Variants in WDPCP observed in about 807,000 individuals in gnomAD.
WDPCP encodes the protein WD repeat containing planar cell polarity effector.
In WDPCP, 71 loss-of-function variants were observed where a neutral mutation model predicts 93.1. The observed-to-expected ratio is 0.76, with a 90% confidence interval of 0.63 to 0.93. WDPCP has a LOEUF of 0.93. Among genes scored for constraint, WDPCP ranks in the 40% least tolerant of loss-of-function variants. The pLI, the probability that WDPCP is intolerant of heterozygous loss-of-function variation, is 0.00. For synonymous variants in WDPCP, 315 were observed against 315.0 expected, an observed-to-expected ratio of 1.00 and a Z score of 0.00; for missense variants, 844 against 887.4, an observed-to-expected ratio of 0.95 and a Z score of 0.62.
intron 1 of WDPCP, chr2:63,564,397 T>C (rs554396473): frequency 6.6e-6 from 1 of 152,300 alleles, no homozygotes; most frequent in Admixed American, 6.5e-5. Flanking sequence ...ACTGCCTCAA[T>C]TTCAGCCACA....
chr2:63,835,161 C>T, the WDPCP span, among the ~76,000 whole-genome samples: 3 of 151,258 alleles, frequency 2.0e-5, no homozygotes, highest in Admixed American at 6.6e-5. Context: ...CCGAGGTGGG[C>T]GGATCACTTG....
Position 63,671,697 on chromosome 2 carries a change from G to A in WDPCP, n.309-20859C>T, listed in dbSNP as rs551580903. On this transcript the variant is annotated intron_variant and non_coding_transcript_variant, in intron 2 of 4. Coordinates refer to the WDPCP transcript ENST00000467687. The stretch of plus-strand genomic sequence containing the variant: ...CTAGTAGCTGGGATTACAGGTGCAC[G>A]CCACCACACCCCGCCAATCTTTGCA... 1.3e-4 allele frequency among the ~76,000 whole-genome samples: 20 copies of A among 152,088 alleles called. No homozygotes were observed. In the East Asian group the frequency reaches 2.7e-3, roughly 21 times the overall value.
intron 13 of WDPCP, among the ~76,000 whole-genome samples, chr2:63,311,209 A>G (rs1686164770): frequency 6.6e-6 from 1 of 152,226 alleles, no homozygotes; most frequent in Non-Finnish European, 1.5e-5. Context: ...TTAGTCTTTT[A>G]GCAAGAGATA....
chr2:63,224,277 A>T (rs1469202884), intron 14 of WDPCP, among the ~76,000 whole-genome samples: 2 of 152,052 alleles, frequency 1.3e-5, no homozygotes, highest in Admixed American at 6.6e-5. Flanking sequence ...AAGGATTCTT[A>T]TTCATCAATG....
chr2:63,321,219 A>T (rs918820987), intron 12 of WDPCP, among the ~76,000 whole-genome samples: 1 of 152,126 alleles, frequency 6.6e-6, no homozygotes, highest in African/African-American at 2.4e-5. Context: ...AGATAAACAA[A>T]TGGAAAGTTA....
chr2:63,337,671 A>G (rs755783364), intron 12 of WDPCP, among the ~76,000 whole-genome samples: 2 of 152,118 alleles, frequency 1.3e-5, no homozygotes, highest in South Asian at 2.1e-4. Flanking sequence ...AGCATCTGTT[A>G]TTGTCTTTTG....
Position 63,588,204 on chromosome 2 carries a change from G to C in WDPCP, c.68C>G (p.Pro23Arg). The C allele has an allele frequency of 1.0e-5, 16 of 1,568,786 alleles. No individual in the cohort carries two copies. Among genetic ancestry groups the C allele is most frequent in the Non-Finnish European group, 1.4e-5 (16 of 1,154,614 alleles). ...CCTCGGGCCAGGGCTCACCTGTCTC[G>C]GGAGTGGGGAAGAAGCGCGACTCCC... ...AAGSRASSPL[P>R]RQDRDSFCHQ... The change falls in exon 1 of 18, where the codon CCG becomes CGG. Residue 23 changes from proline to arginine, a missense_variant. Pro to Arg is a moderately radical substitution (Grantham distance 103). Coordinates refer to ENST00000272321, the MANE Select transcript of WDPCP (RefSeq NM_015910.7).
At position 63,484,971 on chromosome 2, in the gene WDPCP, C is replaced by T; in HGVS notation, c.270G>A (p.Trp90Ter). Residue 90 changes from tryptophan (W) to a stop codon, truncating the protein, a stop_gained, in exon 5 of 18, where the codon TGG (tryptophan) becomes TGA (stop). Transcript: ENST00000272321. LOFTEE classifies it high-confidence loss of function. ...TTTCTGGGCGTCTGTTTTTGAGCGT[C>T]CAAGGATAATCTCGTGCTGGCAAAT... ...QKLAESRDYP[W>*]TLKNRRPEKL... 1.9e-6 allele frequency: 3 copies of T among 1,612,416 alleles called. No homozygotes were observed. Among genetic ancestry groups the T allele is most frequent in the Non-Finnish European group, 2.5e-6 (3 of 1,178,978 alleles).
intron 1 of WDPCP, among the ~76,000 whole-genome samples, chr2:63,820,653 C>T (rs938353746): frequency 7.2e-5 from 11 of 152,066 alleles, no homozygotes; most frequent in Admixed American, 6.6e-5. Flanking sequence ...TTTGCAATGC[C>T]TCATTAAATA....
At chr2:63,763,681 G>A (rs1670095374) in intron 2 of WDPCP, among the ~76,000 whole-genome samples, 1 of 152,124 alleles carries the variant, frequency 6.6e-6, no homozygotes, top group African/African-American at 2.4e-5. Context: ...GTTTTGATTA[G>A]TGAAATTATG....
At position 63,802,577 on chromosome 2, in the gene WDPCP, T is replaced by C. The variant is rs543677073; in HGVS notation, n.308+11045A>G. Among the ~76,000 whole-genome samples, 286 of 152,304 alleles carry C rather than the reference T, an allele frequency of 1.9e-3. 1 individual carries two copies. The highest frequency in any genetic ancestry group is 3.5e-3 in the South Asian group (17 of 4,826). The stretch of plus-strand genomic sequence containing the variant: ...AAAGTAAAAAAATTGTGAAGAATTT[T>C]GGACTGAATTTCTTAAAGGAACATT... On this transcript the variant is annotated intron_variant and non_coding_transcript_variant, in intron 2 of 4. Transcript: ENST00000467687.
intron 10 of WDPCP, among the ~76,000 whole-genome samples, chr2:63,387,698 T>C (rs532365833): frequency 1.3e-5 from 2 of 148,978 alleles, no homozygotes; most frequent in South Asian, 2.1e-4. Context: ...TCTCTGTTTG[T>C]AGAAAATATG....
At chr2:63,778,780 C>A (rs1451448427) in intron 2 of WDPCP, among the ~76,000 whole-genome samples, 2 of 152,168 alleles carry the variant, frequency 1.3e-5, no homozygotes, top group African/African-American at 4.8e-5. Flanking sequence ...CCTTTAGTCT[C>A]ACTGTTGGTT....
intron 1 of WDPCP, among the ~76,000 whole-genome samples, chr2:63,583,843 T>C (rs1708660835): frequency 6.6e-6 from 1 of 152,124 alleles, no homozygotes; most frequent in Admixed American, 6.5e-5. Flanking sequence ...GAGTGGTCAG[T>C]GCCTGTAGTC....
intron 14 of WDPCP, among the ~76,000 whole-genome samples, chr2:63,230,218 G>A (rs1270235235): frequency 6.6e-6 from 1 of 151,778 alleles, no homozygotes; most frequent in Non-Finnish European, 1.5e-5. Flanking sequence ...AGTTTGCTCA[G>A]AATGATGGTT....
intron 14 of WDPCP, among the ~76,000 whole-genome samples, chr2:63,203,636 C>T (rs538497373): frequency 1.1e-3 from 175 of 152,236 alleles, no homozygotes; most frequent in Non-Finnish European, 2.3e-3. Context: ...TCCTCACTTC[C>T]CCGCTACCTC....
intron 6 of WDPCP, among the ~76,000 whole-genome samples, chr2:63,457,724 T>C (rs144822577): frequency 3.9e-5 from 6 of 152,202 alleles, no homozygotes; most frequent in Non-Finnish European, 8.8e-5. Context: ...TCTCAAAAGA[T>C]GTAGAAAAAG....
At chr2:63,168,107 CAAAAAAAAAAA>C (rs957507138) in intron 15 of WDPCP, among the ~76,000 whole-genome samples, 13 of 53,526 alleles carry the variant, frequency 2.4e-4, no homozygotes, top group Admixed American at 1.5e-3. Flanking sequence ...GAGACCCTGC[CAAAAAAAAAAA>C]AAAAAAAAAA....
chr2:63,568,355 C>A lies in WDPCP; in HGVS notation c.75+19842G>T, dbSNP rs11125975. 9.5e-3 allele frequency among the ~76,000 whole-genome samples: 1,416 copies of A among 149,444 alleles called. 10 individuals are homozygous for A. Among genetic ancestry groups the A allele is most frequent in the African/African-American group, 0.012 (496 of 40,864 alleles). ...CTGAATAAATTCCTAAAAAAAAAAA[C>A]AAAAAAAAACCTCTCTCTCTAAAGA... is the stretch of plus-strand genomic sequence containing the variant. On this transcript the variant is annotated intron_variant, in intron 1 of 17. Transcript: ENST00000272321.
Sources: gnomAD v4.1 joint callset for allele counts (sites outside exome capture counted in the v4.1 genomes callset) on GRCh38, gnomAD v4.1.1 for gene constraint, MANE v1.5 for transcripts, NCBI Gene and HGNC (gene_info 2026-07-23, HGNC 2026-07-21) for gene names.